CLPTM1: variants seen among roughly 807,000 people sequenced by gnomAD.
CLPTM1 encodes CLPTM1 regulator of GABA type A receptor forward trafficking, also known as putative lipid scramblase CLPTM1.
In CLPTM1, 21 loss-of-function variants were observed where a neutral mutation model predicts 77.3. That is an observed-to-expected ratio of 0.27 (90% CI 0.19 to 0.39). The LOEUF (loss-of-function observed/expected upper bound fraction) is 0.39, where lower values mean the gene tolerates loss of function less well. CLPTM1 is among the 10% of genes least tolerant of loss of function. CLPTM1 has a pLI of 1.00. For missense variants in CLPTM1, 642 were observed against 921.2 expected, an observed-to-expected ratio of 0.70 and a Z score of 3.92; for synonymous variants, 373 against 381.0, an observed-to-expected ratio of 0.98 and a Z score of 0.24.
chr19:44,993,252 C>A lies in CLPTM1; in HGVS notation c.*355C>A. 2.0e-6 allele frequency: 1 copy of A among 499,768 alleles called. No homozygotes were observed. The highest frequency in any genetic ancestry group is 1.7e-5 in the South Asian group (1 of 60,586). The allele number at this position is 499,768 out of a possible 1,614,324, so 31.0% of individuals were successfully genotyped here. The stretch of plus-strand genomic sequence containing the variant: ...CACGGCCGTTCATCATCTTGTCCCT[C>A]GTCCCCCTACCACACTCCCCCTCCT... On this transcript the variant is annotated 3_prime_UTR_variant, in exon 14 of 14. Transcript: ENST00000337392.
At chr19:44,973,328 A>G (rs1970752298) in intron 3 of CLPTM1, 118 bp downstream of exon 3, 2 of 1,395,868 alleles carry the variant, frequency 1.4e-6, no homozygotes, top group South Asian at 1.2e-5. Flanking sequence ...CAGGTCTAGG[A>G]AAACAGGTCC....
chr19:44,955,295 G>A (rs1257342892), upstream of CLPTM1: 2 of 1,442,616 alleles, frequency 1.4e-6, no homozygotes, highest in Non-Finnish European at 1.8e-6. Context: ...CGGATAGGGT[G>A]GCCCGGCGGG....
intron 4 of CLPTM1, among the ~76,000 whole-genome samples, chr19:44,975,332 C>G (rs1009524558): frequency 4.9e-4 from 74 of 152,234 alleles, no homozygotes; most frequent in African/African-American, 1.8e-3. Context: ...TAGATCACTT[C>G]CATGTCCCCA....
intron 4 of CLPTM1, among the ~76,000 whole-genome samples, chr19:44,977,063 G>T (rs900452558): frequency 2.0e-5 from 3 of 152,032 alleles, no homozygotes; most frequent in Non-Finnish European, 4.4e-5. Context: ...TGGTGCCCTC[G>T]GGTCAGTGCT....
chr19:44,986,369 G>A (rs1970977902), intron 6 of CLPTM1, 86 bp from the exon 7 acceptor site: 1 of 1,497,784 alleles, frequency 6.7e-7, no homozygotes, highest in African/African-American at 1.4e-5. Flanking sequence ...ATTTTCTCGG[G>A]AACCCTGGGG....
intron 2 of CLPTM1, among the ~76,000 whole-genome samples, chr19:44,968,047 C>G (rs1403817903): frequency 1.3e-5 from 2 of 152,166 alleles, no homozygotes; most frequent in Non-Finnish European, 2.9e-5. Context: ...TGTTCTGCTC[C>G]TTGATTTTTT....
At chr19:44,959,880 C>T (rs1735193969) in intron 1 of CLPTM1, among the ~76,000 whole-genome samples, 2 of 152,204 alleles carry the variant, frequency 1.3e-5, no homozygotes, top group African/African-American at 4.8e-5. Context: ...AGTGACACCT[C>T]ATTGTGGTTT....
chr19:44,985,327 C>A (rs779682764), intron 6 of CLPTM1, 24 bp downstream of exon 6: 11 of 1,497,532 alleles, frequency 7.3e-6, no homozygotes, highest in African/African-American at 1.4e-5. Context: ...GTTGTCAGGG[C>A]CTATAGGGAC....
intron 2 of CLPTM1, among the ~76,000 whole-genome samples, chr19:44,968,247 G>C (rs1246095999): frequency 6.6e-6 from 1 of 152,114 alleles, no homozygotes; most frequent in African/African-American, 2.4e-5. Flanking sequence ...TCCAGGGTTT[G>C]TTTTCAGGGG....
rs1970769236 is a variant in CLPTM1, at chr19:44,974,185, C to T, written c.310-254C>T. On this transcript the variant is annotated intron_variant, in intron 3 of 13. Coordinates refer to ENST00000337392, the MANE Select transcript of CLPTM1 (RefSeq NM_001294.4). ...AGGGAGCTCCTGCCCCTTCCTACCC[C>T]TAAATTCTAATTGGCAGGCTGGCCA... Among the ~76,000 whole-genome samples the T allele has an allele frequency of 2.0e-5, 3 of 152,144 alleles. 1 individual carries two copies. The highest frequency in any genetic ancestry group is 4.4e-5 in the Non-Finnish European group (3 of 68,024).
At chr19:44,967,268 G>A (rs993747182) in intron 2 of CLPTM1, among the ~76,000 whole-genome samples, 6 of 152,084 alleles carry the variant, frequency 3.9e-5, no homozygotes, top group Non-Finnish European at 5.9e-5. Context: ...GCAATGGGCC[G>A]TGATGATACT....
At chr19:44,955,085 G>A (rs1482153354), upstream of CLPTM1, 3 of 1,535,646 alleles carry the variant, frequency 2.0e-6, no homozygotes, top group Admixed American at 2.0e-5. Context: ...TAACCGAAAA[G>A]GCGGGTTAAT....
rs543748772 is a variant in CLPTM1, at chr19:44,987,432, G to A, written c.1038+9G>A. ...AGCAGGACTCGGTGAAGGTGAGTGCGGCCGGTGTGGGCGGGACTTCCCGGT... is the reference window on the plus strand; with the variant it reads ...AGCAGGACTCGGTGAAGGTGAGTGCAGCCGGTGTGGGCGGGACTTCCCGGT... On this transcript the variant is annotated intron_variant, in intron 8 of 13. Coordinates refer to ENST00000337392, the MANE Select transcript of CLPTM1 (RefSeq NM_001294.4). 115 of 1,612,128 alleles carry A rather than the reference G, an allele frequency of 7.1e-5. 2 individuals are homozygous for A. In the South Asian group the frequency reaches 1.0e-3, roughly 14 times the overall value.
At chr19:44,976,325 T>G (rs1970805375) in intron 4 of CLPTM1, among the ~76,000 whole-genome samples, 1 of 152,110 alleles carries the variant, frequency 6.6e-6, no homozygotes, top group South Asian at 2.1e-4. Flanking sequence ...CAAGTGGACT[T>G]AAAAGGCAGG....
rs762131659 is a variant in CLPTM1, at chr19:44,993,315, T to C, written c.*418T>C. Reference sequence around the variant, plus strand: ...TTTAACACAGTCTGGATTTAATAAATTCATATGGGTGTTTAACTTAAACTC... The same window carrying C: ...TTTAACACAGTCTGGATTTAATAAACTCATATGGGTGTTTAACTTAAACTC... On this transcript the variant is annotated 3_prime_UTR_variant, in exon 14 of 14. Transcript: ENST00000337392. The C allele has an allele frequency of 4.8e-5, 18 of 378,838 alleles. No individual in the cohort carries two copies. The highest frequency in any genetic ancestry group is 1.7e-4 in the Admixed American group (5 of 29,644). 23.5% of individuals were successfully genotyped at this position (378,838 alleles called of 1,614,324 possible). A position where few individuals can be genotyped will look rare whatever the true frequency, so the allele number is the denominator to read the frequency against.
chr19:44,966,123 T>C (rs1970624009), intron 2 of CLPTM1, among the ~76,000 whole-genome samples: 1 of 151,818 alleles, frequency 6.6e-6, no homozygotes, highest in East Asian at 2.0e-4. Flanking sequence ...TGAAAAAGTG[T>C]AATGTGGGCC....
rs375387209 is a variant in CLPTM1 at position 44,987,391 on chromosome 19, G to A, written c.1006G>A (p.Glu336Lys). The A allele has an allele frequency of 4.3e-6, 7 of 1,613,820 alleles. No homozygotes were observed. The highest frequency in any genetic ancestry group is 2.2e-5 in the East Asian group (1 of 44,890). ...GAACTTCCTGGGTGATGAGTTGTACGAGCAGTCAGATGAGGAGCAGGACTC... is the reference window on the plus strand; with the variant it reads ...GAACTTCCTGGGTGATGAGTTGTACAAGCAGTCAGATGAGGAGCAGGACTC... ...PWNFLGDELY[E>K]QSDEEQDSVK... is the part of the protein sequence containing the mutation. Residue 336 changes from glutamate (E) to lysine (K), a missense_variant, in exon 8 of 14, where the codon GAG becomes AAG. Physicochemically the swap from Glu to Lys is moderately conservative, Grantham distance 56 (BLOSUM62 1). Transcript: ENST00000337392.
At chr19:44,986,404 C>A (rs1371373827) in intron 6 of CLPTM1, 51 bp from the exon 7 acceptor site, 1 of 1,602,714 alleles carries the variant, frequency 6.2e-7, no homozygotes, top group Non-Finnish European at 8.5e-7. Context: ...GAGTGATAGT[C>A]CCCGAGCACT....
intron 2 of CLPTM1, among the ~76,000 whole-genome samples, chr19:44,965,585 A>C (rs919235671): frequency 2.3e-4 from 35 of 151,980 alleles, no homozygotes; most frequent in African/African-American, 7.7e-4. Context: ...AGGCCAAGGC[A>C]AGCAGATCAC....
Sources: gnomAD v4.1 joint callset for allele counts (sites outside exome capture counted in the v4.1 genomes callset) on GRCh38, gnomAD v4.1.1 for gene constraint, MANE v1.5 for transcripts, NCBI Gene and HGNC (gene_info 2026-07-23, HGNC 2026-07-21) for gene names.